The following SNX24 variants were observed in gnomAD, a reference collection of about 807,000 sequenced individuals.
SNX24 encodes the protein sorting nexin 24, also known as sorting nexin-24.
In SNX24, 22 loss-of-function variants were observed where a neutral mutation model predicts 28.7. The ratio of observed to expected loss-of-function variants is 0.77; its 90% CI spans 0.55 to 1.10. SNX24 has a LOEUF of 1.10. SNX24 is among the 50% of genes least tolerant of loss of function. The pLI, the probability that SNX24 is intolerant of heterozygous loss-of-function variation, is 0.00. For synonymous variants in SNX24, 69 were observed against 71.5 expected, an observed-to-expected ratio of 0.96 and a Z score of 0.18; for missense variants, 221 against 201.1, an observed-to-expected ratio of 1.10 and a Z score of -0.60.
rs558307324 is a variant in SNX24, at chr5:122,852,766, A to G, written c.60+7073A>G. Among the ~76,000 whole-genome samples the G allele has an allele frequency of 5.3e-5, 8 of 152,238 alleles. No individual in the cohort carries two copies. The South Asian group carries it at 1.5e-3, about 28-fold the overall frequency. On this transcript the variant is annotated intron_variant, in intron 1 of 6. Transcript: ENST00000261369. ...GAATTGCAGAGGAATTCCAGTGCCA[A>G]TTTGCTGAGGCCAGGGTTATCTTAA...
At chr5:122,900,670 G>C (rs1476364996) in intron 1 of SNX24, among the ~76,000 whole-genome samples, 17 of 152,122 alleles carry the variant, frequency 1.1e-4, no homozygotes, top group Admixed American at 1.1e-3. Context: ...TTGGGAGGCT[G>C]AGGCGGGAGG....
intron 1 of SNX24, among the ~76,000 whole-genome samples, chr5:122,884,573 A>T: frequency 6.6e-6 from 1 of 152,256 alleles, no homozygotes; most frequent in East Asian, 1.9e-4. Flanking sequence ...ACATAAAAAA[A>T]AATGTATTTC....
chr5:122,961,332 G>A (rs1464873478), intron 3 of SNX24, among the ~76,000 whole-genome samples: 2 of 152,178 alleles, frequency 1.3e-5, no homozygotes, highest in Non-Finnish European at 2.9e-5. Context: ...GCATCTGAAG[G>A]AAAGAACAAG....
chr5:122,909,344 C>G (rs1382845824), intron 1 of SNX24, among the ~76,000 whole-genome samples: 2 of 152,170 alleles, frequency 1.3e-5, no homozygotes, highest in African/African-American at 2.4e-5. Flanking sequence ...TAAATGTTAA[C>G]TTAAGTCCTC....
intron 5 of SNX24, among the ~76,000 whole-genome samples, chr5:123,015,866 C>A (rs1172907759): frequency 2.0e-5 from 3 of 152,176 alleles, no homozygotes; most frequent in Non-Finnish European, 4.4e-5. Context: ...GTGGGGGTTT[C>A]AGGCATGAGC....
At chr5:122,888,886 C>T (rs1394558712) in intron 1 of SNX24, among the ~76,000 whole-genome samples, 1 of 152,202 alleles carries the variant, frequency 6.6e-6, no homozygotes, top group African/African-American at 2.4e-5. Context: ...GAATCTCACT[C>T]TGTCGCCAAG....
chr5:122,979,677 G>A (rs1269391069), intron 3 of SNX24, among the ~76,000 whole-genome samples: 1 of 152,198 alleles, frequency 6.6e-6, no homozygotes. Context: ...CTAATTTTAA[G>A]CATGTGATAT....
chr5:123,012,075 G>A (rs918902243), downstream of SNX24, among the ~76,000 whole-genome samples: 1 of 152,120 alleles, frequency 6.6e-6, no homozygotes, highest in African/African-American at 2.4e-5. Flanking sequence ...CCTTTTGCTT[G>A]GCACCTCTCC....
chr5:122,892,964 C>T (rs1263773414), intron 1 of SNX24, among the ~76,000 whole-genome samples: 1 of 151,670 alleles, frequency 6.6e-6, no homozygotes, highest in African/African-American at 2.4e-5. Flanking sequence ...TGGGGTTTCA[C>T]CATGTTTGCC....
chr5:123,011,203 G>A (rs541964902), downstream of SNX24, among the ~76,000 whole-genome samples: 10 of 151,112 alleles, frequency 6.6e-5, no homozygotes, highest in African/African-American at 2.2e-4. Flanking sequence ...CCAGAGGAAG[G>A]AAAAGGAAAA....
downstream of SNX24, among the ~76,000 whole-genome samples, chr5:123,013,769 A>C (rs535334659): frequency 6.6e-6 from 1 of 152,256 alleles, no homozygotes; most frequent in African/African-American, 2.4e-5. Context: ...ACAATATTCT[A>C]TGTCATTTAG....
chr5:122,996,232 A>G lies in SNX24; in HGVS notation c.250-3680A>G, dbSNP rs1030857344. 4.6e-5 allele frequency among the ~76,000 whole-genome samples: 7 copies of G among 152,318 alleles called. No homozygotes were observed. In the South Asian group the frequency reaches 1.5e-3, roughly 32 times the overall value. On this transcript the variant is annotated intron_variant, in intron 3 of 6. Coordinates refer to ENST00000261369, the MANE Select transcript of SNX24 (RefSeq NM_014035.4). ...CAGTGGGATTCTAATTGACAAAGAG[A>G]TAGAAAACTGAAACAAGAAGGCCAG...
intron 2 of SNX24, among the ~76,000 whole-genome samples, chr5:122,944,557 A>G (rs1038370159): frequency 3.3e-5 from 5 of 152,220 alleles, no homozygotes; most frequent in Non-Finnish European, 5.9e-5. Context: ...AATAATGGTG[A>G]CATTAACAGA....
intron 1 of SNX24, among the ~76,000 whole-genome samples, chr5:122,897,822 T>G (rs1757268952): frequency 6.6e-6 from 1 of 152,216 alleles, no homozygotes; most frequent in South Asian, 2.1e-4. Flanking sequence ...GTAATATTAG[T>G]GGAACTTAAT....
At chr5:122,931,361 C>A (rs970695185) in intron 1 of SNX24, among the ~76,000 whole-genome samples, 1 of 151,980 alleles carries the variant, frequency 6.6e-6, no homozygotes, top group African/African-American at 2.4e-5. Context: ...TATTTTTGTA[C>A]CCTCATAAAA....
intron 1 of SNX24, among the ~76,000 whole-genome samples, chr5:122,911,056 A>G (rs1367829557): frequency 6.6e-6 from 1 of 152,222 alleles, no homozygotes; most frequent in African/African-American, 2.4e-5. Flanking sequence ...TGACTTCCAC[A>G]ATGGTTGAAC....
chr5:123,027,430 A>C (rs1762876478), intron 5 of SNX24, among the ~76,000 whole-genome samples: 2 of 152,234 alleles, frequency 1.3e-5, no homozygotes, highest in Admixed American at 1.3e-4. Context: ...AGTGAAGCTC[A>C]GTCACCATTC....
At chr5:122,917,168 A>G (rs1758212803) in intron 1 of SNX24, among the ~76,000 whole-genome samples, 1 of 151,836 alleles carries the variant, frequency 6.6e-6, no homozygotes, top group Non-Finnish European at 1.5e-5. Context: ...GAGGCAGGAG[A>G]ACAGCTTGAA....
intron 3 of SNX24, among the ~76,000 whole-genome samples, chr5:122,996,120 AC>A (rs1405305976): frequency 6.6e-6 from 1 of 152,254 alleles, no homozygotes; most frequent in Admixed American, 6.5e-5. Context: ...AGAATCCTTT[AC>A]CACAGTAGCC....
Sources: gnomAD v4.1 joint callset for allele counts (sites outside exome capture counted in the v4.1 genomes callset) on GRCh38, gnomAD v4.1.1 for gene constraint, MANE v1.5 for transcripts, NCBI Gene and HGNC (gene_info 2026-07-23, HGNC 2026-07-21) for gene names.